MAX: variants seen among roughly 807,000 people sequenced by gnomAD.
MAX encodes the protein protein max.
A neutral mutation model predicts 22.3 loss-of-function variants in MAX; 3 were observed. The ratio of observed to expected loss-of-function variants is 0.13; its 90% confidence interval spans 0.06 to 0.35. The LOEUF is 0.35. MAX is among the 10% of genes least tolerant of loss of function. MAX has a pLI of 1.00. For missense variants in MAX, 119 were observed against 209.4 expected, an observed-to-expected ratio of 0.57 and a Z score of 2.66; for synonymous variants, 72 against 77.7, an observed-to-expected ratio of 0.93 and a Z score of 0.39.
downstream of MAX, among the ~76,000 whole-genome samples, chr14:65,072,525 G>A (rs540259503): frequency 4.6e-5 from 7 of 152,254 alleles, no homozygotes; most frequent in Admixed American, 1.3e-4. Context: ...TTGGTTCCCC[G>A]GGTTATATTA....
intron 3 of MAX, among the ~76,000 whole-genome samples, chr14:65,091,080 T>C (rs1380647475): frequency 6.6e-6 from 1 of 152,172 alleles, no homozygotes; most frequent in Non-Finnish European, 1.5e-5. Flanking sequence ...AATCAAAGGC[T>C]TTCCCTTTAA....
intron 3 of MAX, among the ~76,000 whole-genome samples, chr14:65,038,564 A>G (rs1023959419): frequency 6.6e-6 from 1 of 151,550 alleles, no homozygotes; most frequent in African/African-American, 2.4e-5. Flanking sequence ...CTAAAAATAC[A>G]AAAATTAGCC....
At position 65,032,628 on chromosome 14, in the gene MAX, C is replaced by A; in HGVS notation, c.172-26344G>T. The A allele has an allele frequency of 6.2e-7, 1 of 1,613,954 alleles. No homozygotes were observed. Among genetic ancestry groups the A allele is most frequent in the Non-Finnish European group, 8.5e-7 (1 of 1,180,026 alleles). On this transcript the variant is annotated intron_variant, in intron 3 of 3. Transcript: ENST00000341653. The surrounding 1 kb of genome is among the most constrained non-coding windows in gnomAD (Gnocchi z 5.0). ...TTTCCAGAAGCGCATACTGTGCTGC[C>A]TCCGTAGCCTCGCTGACCAACATCA...
At chr14:65,102,521 G>A (rs1462257160), upstream of MAX, 3 of 1,459,536 alleles carry the variant, frequency 2.1e-6, no homozygotes, top group Non-Finnish European at 2.7e-6. Flanking sequence ...CCTCACTGCA[G>A]CACCGGATCA....
chr14:65,032,562 T>G lies in MAX; in HGVS notation c.172-26278A>C, dbSNP rs767095867. The G allele has an allele frequency of 6.2e-7, 1 of 1,604,110 alleles. No homozygotes were observed. Among genetic ancestry groups the G allele is most frequent in the Non-Finnish European group, 8.5e-7 (1 of 1,176,810 alleles). ...CGCCCGCGGAGTTCACTGAGCCTCA[T>G]TAGCTCTTCCGTAGAGCTTAATGTG... is the stretch of plus-strand genomic sequence containing the variant. On this transcript the variant is annotated intron_variant, in intron 3 of 3. Transcript: ENST00000341653. This position sits in a 1 kb window ranked among gnomAD's most constrained non-coding sequence, Gnocchi z 5.0.
At chr14:65,026,856 C>T (rs888515014) in intron 3 of MAX, among the ~76,000 whole-genome samples, 1 of 151,074 alleles carries the variant, frequency 6.6e-6, no homozygotes, top group Admixed American at 6.6e-5. Context: ...AGGGCAACCC[C>T]GCCTCAAAAA....
rs188321746 is a variant in MAX, at chr14:65,093,270, T to C, written c.171+438A>G. ...AATGGTGCCCAGGTTGTTTTTCACA[T>C]ACATTACACACATTTCTGCAAGTGC... On this transcript the variant is annotated intron_variant, in intron 3 of 4. Coordinates refer to ENST00000358664, the MANE Select transcript of MAX (RefSeq NM_002382.5). The surrounding 1 kb of genome is among the most constrained non-coding windows in gnomAD (Gnocchi z 4.4). 5.5e-4 allele frequency among the ~76,000 whole-genome samples: 83 copies of C among 151,678 alleles called. 2 individuals carry two copies. The East Asian group carries it at 0.015, about 28-fold the overall frequency.
At chr14:65,070,820 T>G (rs932171617), downstream of MAX, among the ~76,000 whole-genome samples, 3 of 152,240 alleles carry the variant, frequency 2.0e-5, no homozygotes, top group Admixed American at 6.5e-5. The surrounding 1 kb of genome is among the most constrained non-coding windows in gnomAD (Gnocchi z 4.4). Flanking sequence ...AGACACCAGA[T>G]GCACTTGCAG....
Position 65,044,572 on chromosome 14 carries a change from G to C in MAX, c.172-38288C>G. ...GTCTATCCTGGATTTTGAGTGCCCA[G>C]TGTGGAACCTCATGCCGTGGGGCAT... On this transcript the variant is annotated intron_variant, in intron 3 of 3. Transcript: ENST00000341653. The surrounding 1 kb of genome is among the most constrained non-coding windows in gnomAD (Gnocchi z 5.5). 7.3e-7 allele frequency: 1 copy of C among 1,364,046 alleles called. No individual in the cohort carries two copies. The highest frequency in any genetic ancestry group is 9.7e-7 in the Non-Finnish European group (1 of 1,029,222). The allele number at this position is 1,364,046 out of a possible 1,614,324, so 84.5% of individuals were successfully genotyped here. A position where few individuals can be genotyped will look rare whatever the true frequency, so the allele number is the denominator to read the frequency against.
chr14:65,027,987 A>T lies in MAX; in HGVS notation c.172-21703T>A, dbSNP rs1356840223. On this transcript the variant is annotated intron_variant, in intron 3 of 3. Transcript: ENST00000341653. This position sits in a 1 kb window ranked among gnomAD's most constrained non-coding sequence, Gnocchi z 5.7. ...CATGATCACTTGACTTATTTTATGT[A>T]AATGTGAAAATATAAGAAACAAATG... Among the ~76,000 whole-genome samples the T allele has an allele frequency of 6.6e-6, 1 of 152,254 alleles. No individual in the cohort carries two copies. Among genetic ancestry groups the T allele is most frequent in the Non-Finnish European group, 1.5e-5 (1 of 68,044 alleles).
downstream of MAX, among the ~76,000 whole-genome samples, chr14:65,073,394 G>C (rs1372670167): frequency 6.6e-6 from 1 of 152,176 alleles, no homozygotes; most frequent in Non-Finnish European, 1.5e-5. Context: ...TGTGAGCTTA[G>C]ATTCTTTACC....
intron 3 of MAX, among the ~76,000 whole-genome samples, chr14:65,059,124 G>A (rs1198755070): frequency 6.6e-6 from 1 of 152,134 alleles, no homozygotes; most frequent in Non-Finnish European, 1.5e-5. Context: ...CTGGGCTCAA[G>A]CTATCCTCCT....
intron 3 of MAX, among the ~76,000 whole-genome samples, chr14:65,026,272 C>T (rs760711163): frequency 3.9e-5 from 6 of 152,154 alleles, no homozygotes; most frequent in Non-Finnish European, 8.8e-5. Context: ...TGGTGCACTT[C>T]GGAAGACCCC....
rs531361738 is a variant in MAX at position 65,061,771 on chromosome 14, G to A, written c.171+31937C>T. 22 of 163,834 alleles carry A rather than the reference G, an allele frequency of 1.3e-4. No individual in the cohort carries two copies. The South Asian group carries it at 3.3e-3, about 25-fold the overall frequency. The allele number at this position is 163,834 out of a possible 1,614,324, so 10.1% of individuals were successfully genotyped here. On this transcript the variant is annotated intron_variant, in intron 3 of 3. Transcript: ENST00000341653. ...TGGGCTTTGGGTCCCACCAAGATGA[G>A]TTCTCTGTAAGACTGTGGTGGAGTT...
At chr14:65,024,579 C>T (rs977026646) in intron 3 of MAX, among the ~76,000 whole-genome samples, 7 of 152,216 alleles carry the variant, frequency 4.6e-5, no homozygotes, top group Middle Eastern at 3.4e-3. Context: ...GGCACGTAAG[C>T]TAGAATGAAA....
chr14:65,058,219 AGT>A (rs929123290), intron 3 of MAX, among the ~76,000 whole-genome samples: 18 of 145,014 alleles, frequency 1.2e-4, no homozygotes, highest in African/African-American at 4.3e-4. Flanking sequence ...AATGTCTTTC[AGT>A]GTTTTTTTTA....
rs2061697511 is a variant in MAX, at chr14:65,012,403, C to G, written c.172-6119G>C. ...GATGCCTATGAGGTAAACACATTAC[C>G]CAGGAACTCTTGCTGTCAAATTATC... On this transcript the variant is annotated intron_variant, in intron 3 of 3. Coordinates refer to the MAX transcript ENST00000341653. This position sits in a 1 kb window ranked among gnomAD's most constrained non-coding sequence, Gnocchi z 5.0. 12 of 1,613,974 alleles carry G rather than the reference C, an allele frequency of 7.4e-6. No homozygotes were observed. The highest frequency in any genetic ancestry group is 6.8e-6 in the Non-Finnish European group (8 of 1,179,878).
rs1566597794 is a variant in MAX, at chr14:65,076,464, G to GC, written c.*11dup. 6.2e-7 allele frequency: 1 copy of GC among 1,612,872 alleles called. No homozygotes were observed. Among genetic ancestry groups the GC allele is most frequent in the Non-Finnish European group, 8.5e-7 (1 of 1,180,020 alleles). On this transcript the variant is annotated 3_prime_UTR_variant, in exon 5 of 5. Coordinates refer to ENST00000358664, the MANE Select transcript of MAX (RefSeq NM_002382.5). This position sits in a 1 kb window ranked among gnomAD's most constrained non-coding sequence, Gnocchi z 6.6. ...GACAGACAGTTTTTATTGCTGGCCT[G>GC]CCCCGAGTGGCTTAGCTGGCCTCCA... is the stretch of plus-strand genomic sequence containing the variant.
intron 3 of MAX, among the ~76,000 whole-genome samples, chr14:65,010,175 G>A (rs1160167365): frequency 3.9e-5 from 6 of 152,054 alleles, no homozygotes. Context: ...CTCCCTGATG[G>A]CCTGTGACAT....
Sources: gnomAD v4.1 joint callset for allele counts (sites outside exome capture counted in the v4.1 genomes callset) on GRCh38, gnomAD v4.1.1 for gene constraint, Gnocchi (gnomAD v3.1) non-coding constraint, MANE v1.5 for transcripts, NCBI Gene and HGNC (gene_info 2026-07-23, HGNC 2026-07-21) for gene names.